Variants in IGF2BP2 observed in about 807,000 individuals in gnomAD.
IGF2BP2 encodes the protein insulin-like growth factor 2 mRNA-binding protein 2.
A neutral mutation model predicts 75.8 loss-of-function variants in IGF2BP2; 17 were observed. The ratio of observed to expected loss-of-function variants is 0.22; its 90% CI spans 0.15 to 0.34. The LOEUF (loss-of-function observed/expected upper bound fraction) is 0.34. Among genes scored for constraint, IGF2BP2 ranks in the 10% least tolerant of loss-of-function variants. IGF2BP2 has a pLI of 1.00. For missense variants in IGF2BP2, 516 were observed against 772.4 expected (o/e 0.67, Z 3.93); for synonymous variants, 288 against 295.6 (o/e 0.97, Z 0.26).
At chr3:185,757,995 A>G (rs1285537185) in intron 2 of IGF2BP2, among the ~76,000 whole-genome samples, 1 of 152,206 alleles carries the variant, frequency 6.6e-6, no homozygotes, top group Non-Finnish European at 1.5e-5. Context: ...TCCAAAATCA[A>G]CTGGGCCAAC....
chr3:185,817,036 G>T (rs1740704540), intron 2 of IGF2BP2, among the ~76,000 whole-genome samples: 2 of 152,148 alleles, frequency 1.3e-5, no homozygotes, highest in Admixed American at 1.3e-4. Context: ...CATTTATTTT[G>T]ATATGGGTAA....
Position 185,695,320 on chromosome 3 carries a change from A to G in IGF2BP2, c.340+1292T>C, listed in dbSNP as rs887328060. 2.6e-5 allele frequency among the ~76,000 whole-genome samples: 4 copies of G among 152,322 alleles called. No homozygotes were observed. The South Asian group carries it at 6.2e-4, about 24-fold the overall frequency. On this transcript the variant is annotated intron_variant, in intron 4 of 15. Transcript: ENST00000382199. ...GGTTGTTTGCAATTTTTCCTAAGTG[A>G]ACTTGAACAATCCCTTCAGCTTACG... is the stretch of plus-strand genomic sequence containing the variant.
At chr3:185,800,713 A>AGACAG (rs34122893) in intron 2 of IGF2BP2, among the ~76,000 whole-genome samples, 1 of 135,818 alleles carries the variant, frequency 7.4e-6, no homozygotes, top group African/African-American at 2.9e-5. Flanking sequence ...TGACTGAGCC[A>AGACAG]AAAAAAAAGA....
At chr3:185,677,225 G>T (rs1039261169) in intron 7 of IGF2BP2, among the ~76,000 whole-genome samples, 3 of 151,488 alleles carry the variant, frequency 2.0e-5, no homozygotes. Flanking sequence ...CCTCCTTTGG[G>T]ACAGAAACAA....
At chr3:185,742,431 G>A (rs1385042995) in intron 2 of IGF2BP2, among the ~76,000 whole-genome samples, 2 of 152,180 alleles carry the variant, frequency 1.3e-5, no homozygotes, top group Non-Finnish European at 2.9e-5. Context: ...AGGAGGTGGA[G>A]GTTGCAGTGA....
intron 2 of IGF2BP2, among the ~76,000 whole-genome samples, chr3:185,779,348 A>T (rs919068957): frequency 6.6e-6 from 1 of 152,120 alleles, no homozygotes; most frequent in Non-Finnish European, 1.5e-5. Flanking sequence ...CATACAACAG[A>T]TCTACAGCAC....
chr3:185,787,838 C>A (rs1426965021), intron 2 of IGF2BP2, among the ~76,000 whole-genome samples: 2 of 152,112 alleles, frequency 1.3e-5, no homozygotes, highest in African/African-American at 2.4e-5. Context: ...GTTTTCTCAG[C>A]ACCAAGAACT....
chr3:185,774,188 G>A (rs1227503254), intron 2 of IGF2BP2, among the ~76,000 whole-genome samples: 3 of 152,146 alleles, frequency 2.0e-5, no homozygotes, highest in African/African-American at 4.8e-5. Flanking sequence ...ACAGTCTAGA[G>A]CACAAGCAAG....
chr3:185,745,073 G>A (rs541997262), intron 2 of IGF2BP2, among the ~76,000 whole-genome samples: 1 of 152,302 alleles, frequency 6.6e-6, no homozygotes, highest in South Asian at 2.1e-4. Context: ...GAGCCAGGAG[G>A]AGACATGCCT....
At chr3:185,799,301 G>C (rs924482062) in intron 2 of IGF2BP2, among the ~76,000 whole-genome samples, 2 of 152,140 alleles carry the variant, frequency 1.3e-5, no homozygotes, top group African/African-American at 4.8e-5. Flanking sequence ...GGGAAGCTAA[G>C]GTGGGAGAAT....
At position 185,794,268 on chromosome 3, in the gene IGF2BP2, G is replaced by C. The variant is rs368981618; in HGVS notation, c.239+28885C>G. On this transcript the variant is annotated intron_variant, in intron 2 of 15. Coordinates refer to ENST00000382199, the MANE Select transcript of IGF2BP2 (RefSeq NM_006548.6). The stretch of plus-strand genomic sequence containing the variant: ...GGTGTGAGCCACCACACCTGGCCCA[G>C]AGCAGATCCTAGAGACCCGGGCTGC... Among the ~76,000 whole-genome samples the C allele has an allele frequency of 1.6e-3, 112 of 70,734 alleles. 17 individuals carry two copies. The East Asian group carries it at 0.025, about 16-fold the overall frequency. 46.4% of individuals were successfully genotyped at this position (70,734 alleles called of 152,430 possible).
chr3:185,793,934 T>C (rs1035324832), intron 2 of IGF2BP2, among the ~76,000 whole-genome samples: 3 of 149,748 alleles, frequency 2.0e-5, no homozygotes, highest in Non-Finnish European at 4.4e-5. Flanking sequence ...ATGCCCCAGA[T>C]AAGGAATGGT....
chr3:185,716,842 C>T, intron 2 of IGF2BP2: 2 of 510,230 alleles, frequency 3.9e-6, no homozygotes, highest in Admixed American at 2.0e-5. Context: ...CAGCCTGGAT[C>T]AGAGCTCCGA....
chr3:185,695,288 G>C (rs1489869227), intron 4 of IGF2BP2, among the ~76,000 whole-genome samples: 1 of 152,114 alleles, frequency 6.6e-6, no homozygotes, highest in Non-Finnish European at 1.5e-5. Flanking sequence ...TCATATACAA[G>C]AAAATGGGTT....
chr3:185,676,240 G>A (rs1279103187), intron 7 of IGF2BP2, among the ~76,000 whole-genome samples: 2 of 152,060 alleles, frequency 1.3e-5, no homozygotes, highest in East Asian at 1.9e-4. Context: ...GGAGAGTGAC[G>A]TTAGCAAGAT....
chr3:185,647,696 T>A lies in IGF2BP2; in HGVS notation c.1594-558A>T, dbSNP rs1471749181. 6.6e-6 allele frequency among the ~76,000 whole-genome samples: 1 copy of A among 152,168 alleles called. No homozygotes were observed. The highest frequency in any genetic ancestry group is 1.5e-5 in the Non-Finnish European group (1 of 68,012). On this transcript the variant is annotated intron_variant, in intron 14 of 15. Transcript: ENST00000382199. This position sits in a 1 kb window ranked among gnomAD's most constrained non-coding sequence, Gnocchi z 4.9. ...GGATCCCACCCCAGGCCCACCTCCATGAAGCCTCCAGCCCATGCTGAGCTC... is the reference window on the plus strand; with the variant it reads ...GGATCCCACCCCAGGCCCACCTCCAAGAAGCCTCCAGCCCATGCTGAGCTC...
At chr3:185,781,083 T>A (rs1381220582) in intron 2 of IGF2BP2, among the ~76,000 whole-genome samples, 1 of 152,188 alleles carries the variant, frequency 6.6e-6, no homozygotes, top group Non-Finnish European at 1.5e-5. Context: ...TCTAGTTATT[T>A]GAGTTTTTTA....
At position 185,658,412 on chromosome 3, in the gene IGF2BP2, G is replaced by A. The variant is rs768268823; in HGVS notation, c.1201-3C>T. On this transcript the variant is annotated splice_region_variant and splice_polypyrimidine_tract_variant and intron_variant, in intron 10 of 15. Coordinates refer to ENST00000382199, the MANE Select transcript of IGF2BP2 (RefSeq NM_006548.6). ...CTGGAGAAGTATCCGGAGTGGGTCTGCAGCATGAGAGAAAGAGTCAGTGGG... is the reference window on the plus strand; with the variant it reads ...CTGGAGAAGTATCCGGAGTGGGTCTACAGCATGAGAGAAAGAGTCAGTGGG... The A allele has an allele frequency of 1.2e-6, 2 of 1,613,354 alleles. No individual in the cohort carries two copies. The highest frequency in any genetic ancestry group is 1.7e-6 in the Non-Finnish European group (2 of 1,179,494).
At chr3:185,650,594 T>C (rs1490090660) in intron 13 of IGF2BP2, among the ~76,000 whole-genome samples, 1 of 151,996 alleles carries the variant, frequency 6.6e-6, no homozygotes, top group African/African-American at 2.4e-5. Context: ...CGACAATCAC[T>C]TGAACCCGAG....
Sources: gnomAD v4.1 joint callset for allele counts (sites outside exome capture counted in the v4.1 genomes callset) on GRCh38, gnomAD v4.1.1 for gene constraint, Gnocchi (gnomAD v3.1) non-coding constraint, MANE v1.5 for transcripts, NCBI Gene and HGNC (gene_info 2026-07-23, HGNC 2026-07-21) for gene names.